MTERF4: variants seen among roughly 807,000 people sequenced by gnomAD.
The protein encoded by MTERF4 is transcription termination factor 4, mitochondrial.
In MTERF4, 17 loss-of-function variants were observed where a neutral mutation model predicts 22.5. The observed-to-expected ratio is 0.75, with a 90% CI of 0.52 to 1.13. The LOEUF (loss-of-function observed/expected upper bound fraction) is 1.13, where lower values mean the gene tolerates loss of function less well. Ranked by LOEUF, MTERF4 falls within the 50% of genes most tolerant of loss-of-function variation. The pLI, the probability that MTERF4 is intolerant of heterozygous loss-of-function variation, is 0.00. For missense variants in MTERF4, 420 were observed against 466.8 expected, an observed-to-expected ratio of 0.90 and a Z score of 0.92; for synonymous variants, 165 against 175.3, an observed-to-expected ratio of 0.94 and a Z score of 0.47.
At chr2:241,089,089 C>T (rs576870289), downstream of MTERF4, 32 of 470,960 alleles carry the variant, frequency 6.8e-5, 1 homozygote, top group Admixed American at 1.1e-3. Context: ...CACAAACTGC[C>T]GAATCTTAAA....
the MTERF4 span, chr2:241,053,437 C>A: frequency 9.2e-7 from 1 of 1,089,516 alleles, no homozygotes; most frequent in Non-Finnish European, 1.3e-6. Context: ...CCAGCTCTGA[C>A]CTGGTCCTGC....
At chr2:241,062,996 G>A in the MTERF4 span, 1 of 800,320 alleles carries the variant, frequency 1.2e-6, no homozygotes, top group East Asian at 2.7e-5. Context: ...TCTCTGTCTG[G>A]ATGGCCAGGG....
At chr2:241,080,777 T>C (rs1043482465) in intron 4 of MTERF4, among the ~76,000 whole-genome samples, 5 of 152,266 alleles carry the variant, frequency 3.3e-5, no homozygotes, top group African/African-American at 9.6e-5. Flanking sequence ...TGGAGCTTGC[T>C]GAGGACCAAC....
intron 1 of MTERF4, 100 bp from the exon 2 acceptor site, chr2:241,099,994 CACAA>C (rs897837645): frequency 8.6e-6 from 12 of 1,389,506 alleles, no homozygotes; most frequent in Non-Finnish European, 1.1e-5. Flanking sequence ...CTTGGTTCCA[CACAA>C]ACATACAATT....
chr2:241,057,360 CG>C, the MTERF4 span, among the ~76,000 whole-genome samples: 2 of 136,812 alleles, frequency 1.5e-5, no homozygotes, highest in African/African-American at 5.9e-5. Context: ...GCCTGGGCGA[CG>C]AGCAAAACTC....
chr2:241,048,767 G>A, the MTERF4 span: 2 of 1,606,304 alleles, frequency 1.2e-6, no homozygotes, highest in Admixed American at 1.7e-5. Context: ...TGTGAATTTG[G>A]TAGGTGCCCA....
downstream of MTERF4, chr2:241,071,710 CA>C: frequency 2.0e-6 from 3 of 1,470,460 alleles, no homozygotes; most frequent in Non-Finnish European, 2.8e-6. Context: ...GACCCCCACC[CA>C]GCCCCCCAGG....
chr2:241,072,312 C>CG, exon 5 of MTERF4: 3 of 429,152 alleles, frequency 7.0e-6, no homozygotes, highest in Non-Finnish European at 1.4e-5. Flanking sequence ...AAGATCTTCC[C>CG]GGTGGCAGCA....
chr2:241,052,090 C>T, the MTERF4 span: 1 of 1,613,940 alleles, frequency 6.2e-7, no homozygotes. Flanking sequence ...GCGGCACCTG[C>T]TTCCACTACA....
At chr2:241,043,027 G>T in the MTERF4 span, among the ~76,000 whole-genome samples, 1 of 152,068 alleles carries the variant, frequency 6.6e-6, no homozygotes, top group African/African-American at 2.4e-5. Context: ...TGCAAAGGAG[G>T]ATGGAGAACA....
At chr2:241,052,213 T>C in the MTERF4 span, 1 of 1,517,062 alleles carries the variant, frequency 6.6e-7, no homozygotes, top group South Asian at 1.1e-5. Context: ...TCTCTGCAGA[T>C]GTGAAAACAG....
chr2:241,072,320 G>C (rs1285023737), exon 5 of MTERF4: 3 of 422,480 alleles, frequency 7.1e-6, no homozygotes, highest in African/African-American at 6.1e-5. Context: ...CCCGGTGGCA[G>C]CAAGGCTGAT....
In MTERF4 at chr2:241,073,360, C is replaced by T. The variant is rs200193178; in HGVS notation, n.2802G>A. ...TCCCTGAACACGGCAGCAAGGACAT[C>T]GGAAGTGAGTCAGCAGCGCTGGTGG... On this transcript the variant is annotated non_coding_transcript_exon_variant, in exon 5 of 5. Coordinates refer to the MTERF4 transcript ENST00000464344. The surrounding 1 kb of genome is among the most constrained non-coding windows in gnomAD (Gnocchi z 6.6). The T allele has an allele frequency of 2.3e-5, 36 of 1,567,096 alleles. No individual in the cohort carries two copies. The East Asian group carries it at 5.5e-4, about 24-fold the overall frequency.
At chr2:241,077,014 G>A (rs979702298) in intron 4 of MTERF4, among the ~76,000 whole-genome samples, 4 of 151,806 alleles carry the variant, frequency 2.6e-5, no homozygotes, top group Admixed American at 2.0e-4. Context: ...GGGAGGTGGA[G>A]CTTGCAGTGA....
chr2:241,095,253 C>G (rs1211099947), downstream of MTERF4: 1 of 152,666 alleles, frequency 6.6e-6, no homozygotes, highest in Non-Finnish European at 1.5e-5. Flanking sequence ...CAGGCCAGCA[C>G]AGTCTGGCAC....
At chr2:241,076,972 C>T (rs528090418) in intron 4 of MTERF4, among the ~76,000 whole-genome samples, 3 of 151,666 alleles carry the variant, frequency 2.0e-5, no homozygotes, top group African/African-American at 7.3e-5. Context: ...CCAGCTACTC[C>T]GGAGGCTGAG....
the MTERF4 span, among the ~76,000 whole-genome samples, chr2:241,066,282 G>A: frequency 2.0e-5 from 3 of 152,288 alleles, no homozygotes; most frequent in African/African-American, 7.2e-5. Flanking sequence ...AAGATGCTGA[G>A]CGCTCTAGGG....
At chr2:241,054,633 C>T in the MTERF4 span, among the ~76,000 whole-genome samples, 1 of 152,174 alleles carries the variant, frequency 6.6e-6, no homozygotes, top group Non-Finnish European at 1.5e-5. Context: ...GTAAACATGG[C>T]ATTGGCCATC....
At chr2:241,087,648 T>C, downstream of MTERF4, 1 of 1,424,360 alleles carries the variant, frequency 7.0e-7, no homozygotes, top group Non-Finnish European at 9.2e-7. Context: ...TATGTCCATA[T>C]ATGTGCATGT....
Sources: gnomAD v4.1 joint callset for allele counts (sites outside exome capture counted in the v4.1 genomes callset) on GRCh38, gnomAD v4.1.1 for gene constraint, Gnocchi (gnomAD v3.1) non-coding constraint, MANE v1.5 for transcripts, NCBI Gene and HGNC (gene_info 2026-07-23, HGNC 2026-07-21) for gene names.